Variants in C10orf67 observed in about 807,000 individuals in gnomAD.
The protein encoded by C10orf67 is chromosome 10 open reading frame 67.
A neutral mutation model predicts 35.6 loss-of-function variants in C10orf67; 60 were observed. That is an observed-to-expected ratio of 1.68 (90% confidence interval 1.37 to 2.09). The LOEUF is 2.09. C10orf67 is among the 30% of genes most tolerant of loss of function. The probability of loss-of-function intolerance (pLI) is 0.00; values close to 1 mark genes in which losing one functional copy is unlikely to be tolerated. For missense variants in C10orf67, 474 were observed against 330.2 expected (o/e 1.44, Z -3.38); for synonymous variants, 167 against 115.8 (o/e 1.44, Z -2.84).
chr10:23,233,104 C>G (rs1412369582), intron 13 of C10orf67, among the ~76,000 whole-genome samples: 4 of 152,092 alleles, frequency 2.6e-5, no homozygotes, highest in Non-Finnish European at 5.9e-5. Context: ...TTACAGTGAG[C>G]TATGATCATG....
chr10:23,244,382 G>A (rs1842261695), intron 12 of C10orf67, among the ~76,000 whole-genome samples: 1 of 152,080 alleles, frequency 6.6e-6, no homozygotes, highest in Non-Finnish European at 1.5e-5. Context: ...CAATGAGTTA[G>A]GCTTCCTTCT....
intron 2 of C10orf67, among the ~76,000 whole-genome samples, chr10:23,325,693 AC>A (rs1010654906): frequency 6.6e-6 from 1 of 151,284 alleles, no homozygotes; most frequent in Non-Finnish European, 1.5e-5. Context: ...AAAAAAAAAA[AC>A]AGGAAAATGT....
At chr10:23,329,703 G>A (rs970913526) in intron 2 of C10orf67, among the ~76,000 whole-genome samples, 10 of 150,474 alleles carry the variant, frequency 6.6e-5, no homozygotes, top group African/African-American at 2.4e-4. Flanking sequence ...AGGAGGCTGA[G>A]GTGGGAGGAC....
At chr10:23,328,616 T>G (rs554841862) in intron 2 of C10orf67, among the ~76,000 whole-genome samples, 1 of 151,046 alleles carries the variant, frequency 6.6e-6, no homozygotes, top group Non-Finnish European at 1.5e-5. Flanking sequence ...ATGAAGCCAA[T>G]GCAGTTGTTT....
At chr10:23,282,724 C>T (rs1483073140) in intron 7 of C10orf67, among the ~76,000 whole-genome samples, 3 of 151,812 alleles carry the variant, frequency 2.0e-5, no homozygotes, top group African/African-American at 4.8e-5. Context: ...CAAGCTACTT[C>T]GGAGGCTGAA....
intron 10 of C10orf67, among the ~76,000 whole-genome samples, chr10:23,255,064 A>G (rs1188979510): frequency 1.3e-5 from 2 of 152,190 alleles, no homozygotes; most frequent in African/African-American, 4.8e-5. Flanking sequence ...ACTACTTTTG[A>G]ACACCAGTAA....
chr10:23,211,478 T>TGG lies in C10orf67; in HGVS notation c.1571-7225_1571-7224dup, dbSNP rs200194805. Among the ~76,000 whole-genome samples the TGG allele has an allele frequency of 1.4e-3, 204 of 147,318 alleles. 1 individual carries two copies. Among genetic ancestry groups the TGG allele is most frequent in the Admixed American group, 5.2e-3 (74 of 14,314 alleles). ...GGCGGTGTGTGTGTGTGTGTGTGTGTGGGGGGGGGGGGTATCACAATTCAA... is the reference window on the plus strand; with the variant it reads ...GGCGGTGTGTGTGTGTGTGTGTGTGTGGGGGGGGGGGGGGTATCACAATTCAA... On this transcript the variant is annotated intron_variant, in intron 15 of 15. Transcript: ENST00000636213.
At chr10:23,232,507 T>C (rs948253516) in intron 13 of C10orf67, among the ~76,000 whole-genome samples, 3 of 152,184 alleles carry the variant, frequency 2.0e-5, no homozygotes, top group African/African-American at 4.8e-5. Flanking sequence ...TTTGCCACGG[T>C]ATACATAAAA....
At chr10:23,315,178 T>C (rs1444319354) in intron 4 of C10orf67, among the ~76,000 whole-genome samples, 2 of 152,230 alleles carry the variant, frequency 1.3e-5, no homozygotes, top group Admixed American at 6.5e-5. Context: ...TTTAATTTAA[T>C]ATAAACAATT....
intron 4 of C10orf67, 112 bp downstream of exon 4, chr10:23,320,629 G>A: frequency 1.4e-6 from 1 of 734,588 alleles, no homozygotes; most frequent in East Asian, 2.7e-5. Context: ...CGAGGAAACA[G>A]GCCTTCAGAG....
intron 3 of C10orf67, among the ~76,000 whole-genome samples, chr10:23,321,375 T>G (rs1478330731): frequency 6.6e-6 from 1 of 152,224 alleles, no homozygotes; most frequent in African/African-American, 2.4e-5. Context: ...AAAAAAAATT[T>G]GTTTTTTAAT....
intron 4 of C10orf67, among the ~76,000 whole-genome samples, chr10:23,312,092 TA>T (rs1430104722): frequency 6.6e-6 from 1 of 152,252 alleles, no homozygotes; most frequent in Non-Finnish European, 1.5e-5. Context: ...ATAAGTATTA[TA>T]CTTACTAATT....
intron 2 of C10orf67, among the ~76,000 whole-genome samples, chr10:23,324,325 C>T (rs1564513974): frequency 6.6e-6 from 1 of 152,064 alleles, no homozygotes; most frequent in Non-Finnish European, 1.5e-5. Context: ...ACTCCTTCCT[C>T]AGGTTCTATG....
intron 4 of C10orf67, among the ~76,000 whole-genome samples, chr10:23,306,955 A>G (rs188208501): frequency 3.3e-5 from 5 of 152,332 alleles, no homozygotes; most frequent in Admixed American, 1.3e-4. Context: ...CTACTTTAAT[A>G]TTCCTCTAGA....
chr10:23,218,307 ATTTTTTT>A (rs371926193), intron 15 of C10orf67, among the ~76,000 whole-genome samples: 37 of 119,102 alleles, frequency 3.1e-4, no homozygotes, highest in Middle Eastern at 4.5e-3. Flanking sequence ...CACGAGGCTA[ATTTTTTT>A]TTTTTTTTTT....
intron 13 of C10orf67, among the ~76,000 whole-genome samples, chr10:23,238,043 C>A (rs183269798): frequency 1.3e-5 from 2 of 152,170 alleles, no homozygotes; most frequent in Non-Finnish European, 2.9e-5. Flanking sequence ...GTAGATCAGG[C>A]ACTATTCTAA....
At chr10:23,296,129 A>G (rs560373480) in intron 5 of C10orf67, among the ~76,000 whole-genome samples, 54 of 152,200 alleles carry the variant, frequency 3.5e-4, no homozygotes, top group African/African-American at 6.3e-4. Flanking sequence ...ACATTTTGAC[A>G]TATAACTTTT....
At chr10:23,299,851 G>A (rs373524142) in intron 5 of C10orf67, among the ~76,000 whole-genome samples, 100 of 152,074 alleles carry the variant, frequency 6.6e-4, no homozygotes, top group South Asian at 2.5e-3. Flanking sequence ...GGTGGCGGGC[G>A]CCTGTAGTCC....
intron 5 of C10orf67, among the ~76,000 whole-genome samples, chr10:23,297,081 AT>A (rs1259634944): frequency 3.3e-5 from 5 of 152,140 alleles, no homozygotes; most frequent in African/African-American, 1.2e-4. Context: ...GAGGTTCCCC[AT>A]TCTATTTCTT....
Sources: gnomAD v4.1 joint callset for allele counts (sites outside exome capture counted in the v4.1 genomes callset) on GRCh38, gnomAD v4.1.1 for gene constraint, MANE v1.5 for transcripts, NCBI Gene and HGNC (gene_info 2026-07-23, HGNC 2026-07-21) for gene names.